GPATCH2: variants seen among roughly 807,000 people sequenced by gnomAD.
The protein encoded by GPATCH2 is G-patch domain containing 2, also known as G patch domain-containing protein 2.
GPATCH2 carries 51 observed loss-of-function variants against 58.0 expected under a neutral mutation model. That is an observed-to-expected ratio of 0.88 (90% CI 0.70 to 1.11). The LOEUF (loss-of-function observed/expected upper bound fraction) is 1.11, where lower values mean the gene tolerates loss of function less well. Among genes scored for constraint, GPATCH2 ranks in the 50% most tolerant of loss-of-function variants. GPATCH2 has a pLI of 0.00. For synonymous variants in GPATCH2, 222 were observed against 218.5 expected (o/e 1.02, Z -0.14); for missense variants, 625 against 652.2 (o/e 0.96, Z 0.45).
intron 8 of GPATCH2, among the ~76,000 whole-genome samples, chr1:217,490,135 T>C (rs1661649771): frequency 6.6e-6 from 1 of 152,194 alleles, no homozygotes; most frequent in Non-Finnish European, 1.5e-5. Flanking sequence ...ACATGAAAGA[T>C]GGGTTTCCAG....
intron 8 of GPATCH2, 130 bp from the exon 9 acceptor site, chr1:217,449,467 T>C (rs961896140): frequency 6.4e-6 from 4 of 628,796 alleles, no homozygotes; most frequent in Admixed American, 2.8e-5. Flanking sequence ...AAATCACCAA[T>C]CTTGTTTATA....
Position 217,428,360 on chromosome 1 carries a change from C to T in GPATCH2, c.*2785G>A, listed in dbSNP as rs1377692203. On this transcript the variant is annotated 3_prime_UTR_variant, in exon 10 of 10. Coordinates refer to ENST00000366935, the MANE Select transcript of GPATCH2 (RefSeq NM_018040.5). ...TTAGAGGAAATATAAATGATACATTCTAAATCTTGGGGTTCTATGGACGTT... is the reference window on the plus strand; with the variant it reads ...TTAGAGGAAATATAAATGATACATTTTAAATCTTGGGGTTCTATGGACGTT... 1 of 152,176 alleles carries T rather than the reference C, an allele frequency of 6.6e-6. No homozygotes were observed. The highest frequency in any genetic ancestry group is 1.5e-5 in the Non-Finnish European group (1 of 68,020). The allele number at this position is 152,176 out of a possible 1,614,324, so 9.4% of individuals were successfully genotyped here.
At chr1:217,504,592 C>T (rs541223019) in intron 6 of GPATCH2, among the ~76,000 whole-genome samples, 6 of 152,276 alleles carry the variant, frequency 3.9e-5, no homozygotes, top group South Asian at 4.1e-4. Context: ...CATGGCCATA[C>T]ATGAATTATC....
chr1:217,505,553 T>C lies in GPATCH2; in HGVS notation c.1167-7158A>G, dbSNP rs983892012. ...TAGGATTTCATGGGAAGTCAATTAA[T>C]ATTATATGTAGACAAAAGGACAAAA... is the stretch of plus-strand genomic sequence containing the variant. On this transcript the variant is annotated intron_variant, in intron 6 of 9. Transcript: ENST00000366935. Among the ~76,000 whole-genome samples the C allele has an allele frequency of 6.6e-5, 10 of 152,332 alleles. No homozygotes were observed. The South Asian group carries it at 2.1e-3, about 32-fold the overall frequency.
chr1:217,589,298 C>A (rs917918072), intron 5 of GPATCH2, among the ~76,000 whole-genome samples: 2 of 148,976 alleles, frequency 1.3e-5, no homozygotes, highest in African/African-American at 4.9e-5. Context: ...TCCTTACATT[C>A]CCCTCTAGAA....
chr1:217,533,116 C>T (rs1412352319), intron 5 of GPATCH2, among the ~76,000 whole-genome samples: 1 of 151,150 alleles, frequency 6.6e-6, no homozygotes, highest in African/African-American at 2.4e-5. Context: ...GCCATGTTGC[C>T]CAGGCTGGTC....
At chr1:217,605,191 T>C (rs1285814584) in intron 5 of GPATCH2, among the ~76,000 whole-genome samples, 2 of 152,200 alleles carry the variant, frequency 1.3e-5, no homozygotes, top group African/African-American at 4.8e-5. Context: ...TCATCCTGGT[T>C]TTCTATGACT....
At chr1:217,572,347 G>C (rs533961374) in intron 5 of GPATCH2, among the ~76,000 whole-genome samples, 1 of 152,218 alleles carries the variant, frequency 6.6e-6, no homozygotes, top group East Asian at 1.9e-4. Context: ...GAAAGAAAAA[G>C]AAAACAAAAG....
At chr1:217,565,859 TG>T (rs1337267995) in intron 5 of GPATCH2, among the ~76,000 whole-genome samples, 1 of 152,072 alleles carries the variant, frequency 6.6e-6, no homozygotes, top group Non-Finnish European at 1.5e-5. Context: ...CCCAGCAGTT[TG>T]GGAGGCCCAG....
chr1:217,461,676 A>G (rs1330419732), intron 8 of GPATCH2, among the ~76,000 whole-genome samples: 1 of 152,120 alleles, frequency 6.6e-6, no homozygotes, highest in Non-Finnish European at 1.5e-5. Context: ...TACAAAACAT[A>G]TTTGTTCCAT....
rs1016720307 is a variant in GPATCH2, at chr1:217,614,211, A to T, written c.774-9T>A. ...TGAGACTGCTGGAATCACTGTAATAAGGAAAAAGAAAGAAACAGATCAAAA... is the reference window on the plus strand; with the variant it reads ...TGAGACTGCTGGAATCACTGTAATATGGAAAAAGAAAGAAACAGATCAAAA... On this transcript the variant is annotated splice_polypyrimidine_tract_variant and intron_variant, in intron 2 of 9. Coordinates refer to ENST00000366935, the MANE Select transcript of GPATCH2 (RefSeq NM_018040.5). 3.3e-6 allele frequency: 5 copies of T among 1,523,862 alleles called. No individual in the cohort carries two copies. Among genetic ancestry groups the T allele is most frequent in the Non-Finnish European group, 4.5e-6 (5 of 1,101,340 alleles). The allele number at this position is 1,523,862 out of a possible 1,614,324, so 94.4% of individuals were successfully genotyped here.
chr1:217,465,812 A>G (rs769919385), intron 8 of GPATCH2, among the ~76,000 whole-genome samples: 2 of 152,234 alleles, frequency 1.3e-5, no homozygotes, highest in Non-Finnish European at 2.9e-5. Flanking sequence ...CTACTAAAAA[A>G]GGATAACTTC....
intron 5 of GPATCH2, among the ~76,000 whole-genome samples, chr1:217,524,616 C>CG (rs1161482070): frequency 2.6e-5 from 4 of 151,248 alleles, no homozygotes; most frequent in African/African-American, 9.7e-5. Context: ...CCCGGCACCT[C>CG]GGGAGGCCGA....
chr1:217,506,537 GCCTTTT>G (rs1282631729), intron 6 of GPATCH2, among the ~76,000 whole-genome samples: 2 of 152,190 alleles, frequency 1.3e-5, no homozygotes, highest in Non-Finnish European at 2.9e-5. Flanking sequence ...TAAGGAGGAT[GCCTTTT>G]GGCCTTTGGG....
intron 9 of GPATCH2, among the ~76,000 whole-genome samples, chr1:217,440,306 C>T (rs1163127198): frequency 6.6e-6 from 1 of 152,178 alleles, no homozygotes; most frequent in Admixed American, 6.6e-5. Flanking sequence ...TGATAAAATT[C>T]AATACCCCTA....
chr1:217,524,607 C>T (rs1663720517), intron 5 of GPATCH2, among the ~76,000 whole-genome samples: 1 of 151,632 alleles, frequency 6.6e-6, no homozygotes, highest in Non-Finnish European at 1.5e-5. Context: ...GTCTGCAATC[C>T]CGGCACCTCG....
At chr1:217,474,426 T>C (rs1660882097) in intron 8 of GPATCH2, among the ~76,000 whole-genome samples, 2 of 152,182 alleles carry the variant, frequency 1.3e-5, no homozygotes, top group African/African-American at 2.4e-5. Context: ...AGATGAAAAT[T>C]AATGTGAATG....
intron 9 of GPATCH2, among the ~76,000 whole-genome samples, chr1:217,443,359 C>A (rs772080645): frequency 6.6e-6 from 1 of 152,116 alleles, no homozygotes; most frequent in Non-Finnish European, 1.5e-5. Context: ...GAAATATTCT[C>A]TCTTACATTC....
chr1:217,583,234 A>G (rs1667159047), intron 5 of GPATCH2, among the ~76,000 whole-genome samples: 1 of 152,172 alleles, frequency 6.6e-6, no homozygotes, highest in African/African-American at 2.4e-5. Flanking sequence ...GCTAAGAGAC[A>G]TTAAGAATAA....
Sources: gnomAD v4.1 joint callset for allele counts (sites outside exome capture counted in the v4.1 genomes callset) on GRCh38, gnomAD v4.1.1 for gene constraint, MANE v1.5 for transcripts, NCBI Gene and HGNC (gene_info 2026-07-23, HGNC 2026-07-21) for gene names.